PLBD1: variants seen among roughly 807,000 people sequenced by gnomAD.
The protein encoded by PLBD1 is phospholipase B domain containing 1.
A neutral mutation model predicts 63.0 loss-of-function variants in PLBD1; 60 were observed. The ratio of observed to expected loss-of-function variants is 0.95; its 90% CI spans 0.77 to 1.18. PLBD1 has a LOEUF of 1.18. Among genes scored for constraint, PLBD1 ranks in the 50% most tolerant of loss-of-function variants. The pLI is 0.00. For missense variants in PLBD1, 598 were observed against 677.9 expected (o/e 0.88, Z 1.31); for synonymous variants, 262 against 248.0 (o/e 1.06, Z -0.53).
intron 6 of PLBD1, among the ~76,000 whole-genome samples, chr12:14,517,340 G>A: frequency 6.6e-6 from 1 of 152,048 alleles, no homozygotes; most frequent in Admixed American, 6.5e-5. Context: ...AGAGACGGGG[G>A]TCTTGCTATG....
intron 7 of PLBD1, 52 bp downstream of exon 7, chr12:14,511,459 C>A: frequency 1.2e-6 from 2 of 1,613,814 alleles, no homozygotes; most frequent in Non-Finnish European, 1.7e-6. Flanking sequence ...GTTAACAAGC[C>A]TAAATCAAAA....
intron 9 of PLBD1, among the ~76,000 whole-genome samples, chr12:14,506,507 A>G (rs747528): frequency 0.46 from 69,225 of 152,070 alleles, 16,228 homozygotes; most frequent in East Asian, 0.61. Flanking sequence ...ATGGATGGGA[A>G]AGAGAACCAG....
At chr12:14,548,195 G>A (rs1302577147) in intron 2 of PLBD1, among the ~76,000 whole-genome samples, 2 of 151,790 alleles carry the variant, frequency 1.3e-5, no homozygotes, top group African/African-American at 4.8e-5. Context: ...GGTGGCTCAC[G>A]CCTGTAATCC....
chr12:14,564,281 A>G (rs1390415569), intron 1 of PLBD1, among the ~76,000 whole-genome samples: 7 of 152,208 alleles, frequency 4.6e-5, no homozygotes, highest in South Asian at 4.1e-4. Flanking sequence ...AGGTCTGCCA[A>G]ATCAGCTTAT....
At chr12:14,523,452 A>G (rs920406920) in intron 6 of PLBD1, among the ~76,000 whole-genome samples, 1 of 149,046 alleles carries the variant, frequency 6.7e-6, no homozygotes, top group African/African-American at 2.4e-5. Context: ...AATACCAATG[A>G]CATTCTTCAT....
chr12:14,525,540 A>C (rs1026688225), intron 6 of PLBD1, among the ~76,000 whole-genome samples: 1 of 152,172 alleles, frequency 6.6e-6, no homozygotes, highest in African/African-American at 2.4e-5. Flanking sequence ...ATTAATTTGC[A>C]GTTCCTACCA....
chr12:14,565,858 T>G (rs1211006933), intron 1 of PLBD1, among the ~76,000 whole-genome samples: 1 of 152,194 alleles, frequency 6.6e-6, no homozygotes, highest in African/African-American at 2.4e-5. Flanking sequence ...CTGGGCATGG[T>G]GCTGTCAGGA....
intron 6 of PLBD1, among the ~76,000 whole-genome samples, chr12:14,516,744 A>C (rs531927421): frequency 4.9e-4 from 74 of 152,216 alleles, no homozygotes; most frequent in African/African-American, 1.7e-3. Flanking sequence ...ATCCTCAATT[A>C]AAAGTCCTTT....
Position 14,503,729 on chromosome 12 carries a change from T to C in PLBD1, c.*43A>G. 1.3e-6 allele frequency: 2 copies of C among 1,516,808 alleles called. No homozygotes were observed. The highest frequency in any genetic ancestry group is 1.2e-5 in the South Asian group (1 of 85,940). The allele number at this position is 1,516,808 out of a possible 1,614,324, so 94.0% of individuals were successfully genotyped here. A position where few individuals can be genotyped will look rare whatever the true frequency, so the allele number is the denominator to read the frequency against. On this transcript the variant is annotated 3_prime_UTR_variant, in exon 11 of 11. Transcript: ENST00000240617. ...GAAAAACATAGCTAAAATAGTGCCT[T>C]TGGTATCTTATTTACAGTCTTCTAG...
At chr12:14,551,654 A>G (rs1231758096) in intron 2 of PLBD1, among the ~76,000 whole-genome samples, 2 of 152,048 alleles carry the variant, frequency 1.3e-5, no homozygotes, top group Non-Finnish European at 2.9e-5. Flanking sequence ...ATCCAAGGGA[A>G]ACGTGCATTC....
At chr12:14,534,055 A>G (rs1219841739) in intron 6 of PLBD1, among the ~76,000 whole-genome samples, 1 of 152,150 alleles carries the variant, frequency 6.6e-6, no homozygotes, top group East Asian at 1.9e-4. Context: ...GGCTGAGGCA[A>G]GAGGATCATT....
intron 2 of PLBD1, among the ~76,000 whole-genome samples, chr12:14,551,298 G>A (rs1465634518): frequency 6.6e-6 from 1 of 152,068 alleles, no homozygotes; most frequent in Non-Finnish European, 1.5e-5. Context: ...GAGAGGCAGA[G>A]GTTGCAGTGA....
At chr12:14,532,690 G>C (rs1945475806) in intron 6 of PLBD1, among the ~76,000 whole-genome samples, 1 of 152,220 alleles carries the variant, frequency 6.6e-6, no homozygotes, top group Non-Finnish European at 1.5e-5. Context: ...AGAGCCCCCA[G>C]ATAGGGAGTC....
intron 5 of PLBD1, 193 bp from the exon 6 acceptor site, chr12:14,535,996 T>C (rs569602746): frequency 1.8e-6 from 1 of 544,450 alleles, no homozygotes; most frequent in Non-Finnish European, 3.1e-6. Context: ...CCTTCTAACA[T>C]TCAAAATGGA....
At chr12:14,510,383 C>T (rs1309472032) in intron 8 of PLBD1, among the ~76,000 whole-genome samples, 1 of 152,110 alleles carries the variant, frequency 6.6e-6, no homozygotes, top group Admixed American at 6.6e-5. Context: ...GACAGAGCGA[C>T]ACTCCATCTG....
At chr12:14,504,052 A>G (rs1945228424) in intron 10 of PLBD1, 98 bp from the exon 11 acceptor site, 9 of 1,198,588 alleles carry the variant, frequency 7.5e-6, no homozygotes, top group Non-Finnish European at 1.1e-5. Context: ...AAGTCACAAT[A>G]TTAGCTTTTT....
At chr12:14,544,330 T>A (rs1945599615) in intron 2 of PLBD1, among the ~76,000 whole-genome samples, 1 of 152,128 alleles carries the variant, frequency 6.6e-6, no homozygotes, top group Admixed American at 6.5e-5. Flanking sequence ...TTTGCCACCA[T>A]GCCTGGCTAA....
At position 14,514,912 on chromosome 12, in the gene PLBD1, T is replaced by C. The variant is rs867902731; in HGVS notation, c.845-3201A>G. On this transcript the variant is annotated intron_variant, in intron 6 of 10. Transcript: ENST00000240617. ...TGCTCTCATCTGTCATTAGCAGCTT[T>C]GGAAGGCAGATTGAGATCAGGAGAA... 4.6e-5 allele frequency among the ~76,000 whole-genome samples: 7 copies of C among 152,236 alleles called. No individual in the cohort carries two copies. The Middle Eastern group carries it at 0.014, about 298-fold the overall frequency.
At chr12:14,519,282 G>T (rs911001868) in intron 6 of PLBD1, among the ~76,000 whole-genome samples, 2 of 152,084 alleles carry the variant, frequency 1.3e-5, no homozygotes, top group Admixed American at 6.5e-5. Flanking sequence ...GTCAACTGAG[G>T]TCATATGGGC....
Sources: allele counts gnomAD v4.1 joint callset (sites outside exome capture counted in the v4.1 genomes callset), GRCh38; gene constraint gnomAD v4.1.1; transcripts MANE v1.5; gene names NCBI Gene and HGNC (gene_info 2026-07-23, HGNC 2026-07-21).